AP1B1: variants seen among roughly 807,000 people sequenced by gnomAD.
AP1B1 encodes the protein AP-1 complex subunit beta-1.
AP1B1 carries 36 observed loss-of-function variants against 104.3 expected under a neutral mutation model. That is an observed-to-expected ratio of 0.35 (90% CI 0.26 to 0.46). The LOEUF is 0.46. Ranked by LOEUF, AP1B1 falls within the 20% of genes least tolerant of loss-of-function variation. The pLI, the probability that AP1B1 is intolerant of heterozygous loss-of-function variation, is 1.00. For missense variants in AP1B1, 901 were observed against 1,247.9 expected (o/e 0.72, Z 4.19); for synonymous variants, 504 against 517.5 (o/e 0.97, Z 0.35).
At chr22:29,359,574 A>G (rs540619665) in intron 4 of AP1B1, 30 of 417,934 alleles carry the variant, frequency 7.2e-5, no homozygotes, top group African/African-American at 4.5e-4. Flanking sequence ...GCAGGGTCCA[A>G]TCAGGGCAGT....
At chr22:29,332,200 T>TG (rs1364217208) in intron 17 of AP1B1, 1 of 327,838 alleles carries the variant, frequency 3.1e-6, no homozygotes, top group Middle Eastern at 8.4e-4. Context: ...GGCCAGGCAC[T>TG]GGTGGGCCCA....
intron 1 of AP1B1, among the ~76,000 whole-genome samples, chr22:29,380,883 C>A (rs576859844): frequency 6.6e-6 from 1 of 152,188 alleles, no homozygotes; most frequent in Non-Finnish European, 1.5e-5. Flanking sequence ...CTCTGTCTTA[C>A]TCATAGTAAA....
intron 17 of AP1B1, among the ~76,000 whole-genome samples, chr22:29,333,615 G>A (rs984050229): frequency 2.6e-5 from 4 of 152,148 alleles, no homozygotes; most frequent in Admixed American, 2.0e-4. Flanking sequence ...CCAGGAGGCT[G>A]AGGCAGGAGG....
At chr22:29,379,492 A>G (rs1820382368) in intron 1 of AP1B1, among the ~76,000 whole-genome samples, 1 of 152,204 alleles carries the variant, frequency 6.6e-6, no homozygotes. Context: ...CTTTCTGAAG[A>G]TCTGTCAAAT....
At chr22:29,351,409 C>A in intron 8 of AP1B1, 143 bp from the exon 9 acceptor site, 1 of 1,022,316 alleles carries the variant, frequency 9.8e-7, no homozygotes, top group Non-Finnish European at 1.5e-6. Flanking sequence ...AGGGAGAGAG[C>A]TGGCAGGTGC....
At chr22:29,360,928 C>T (rs1291215896) in intron 3 of AP1B1, among the ~76,000 whole-genome samples, 2 of 152,166 alleles carry the variant, frequency 1.3e-5, no homozygotes, top group Non-Finnish European at 2.9e-5. Context: ...TCCTGATCCC[C>T]AACAGGCAGG....
chr22:29,378,304 C>A (rs781727904), intron 1 of AP1B1, among the ~76,000 whole-genome samples: 3 of 152,082 alleles, frequency 2.0e-5, no homozygotes, highest in Non-Finnish European at 4.4e-5. Context: ...CACCTGTAAT[C>A]CTAGCACTGT....
At chr22:29,363,894 C>T (rs540000890) in intron 2 of AP1B1, among the ~76,000 whole-genome samples, 22 of 150,860 alleles carry the variant, frequency 1.5e-4, no homozygotes, top group African/African-American at 5.1e-4. Context: ...GATCCTGTCT[C>T]CAAAAAAAAA....
intron 14 of AP1B1, among the ~76,000 whole-genome samples, chr22:29,340,068 T>G (rs1339208416): frequency 6.6e-6 from 1 of 152,110 alleles, no homozygotes; most frequent in African/African-American, 2.4e-5. Flanking sequence ...CGTGCGGACC[T>G]GAGCCGAGCA....
At chr22:29,338,722 C>T (rs962102418) in intron 16 of AP1B1, among the ~76,000 whole-genome samples, 1 of 152,192 alleles carries the variant, frequency 6.6e-6, no homozygotes, top group Non-Finnish European at 1.5e-5. Context: ...TCCCTTCCCT[C>T]CAGGCCTTAC....
At chr22:29,368,368 C>T (rs1323500524) in intron 1 of AP1B1, among the ~76,000 whole-genome samples, 3 of 151,980 alleles carry the variant, frequency 2.0e-5, no homozygotes, top group African/African-American at 7.3e-5. Flanking sequence ...AATCATTTAA[C>T]AAAAATTTAC....
At chr22:29,376,566 A>G (rs981840402) in intron 1 of AP1B1, among the ~76,000 whole-genome samples, 1 of 152,178 alleles carries the variant, frequency 6.6e-6, no homozygotes, top group African/African-American at 2.4e-5. Context: ...TGCCACTGTT[A>G]AACACTTCCC....
chr22:29,380,599 A>G (rs764622934), intron 1 of AP1B1, among the ~76,000 whole-genome samples: 17 of 152,022 alleles, frequency 1.1e-4, no homozygotes, highest in Non-Finnish European at 2.2e-4. Flanking sequence ...CAGGCTAAAA[A>G]CCTGAGTCAC....
chr22:29,384,334 T>C (rs2062487037), intron 1 of AP1B1, among the ~76,000 whole-genome samples: 1 of 152,182 alleles, frequency 6.6e-6, no homozygotes, highest in Admixed American at 6.5e-5. Flanking sequence ...TGGTACCAAC[T>C]GTAGTTTGAA....
chr22:29,341,352 T>A (rs1018377643), intron 13 of AP1B1, 149 bp downstream of exon 13: 76 of 1,010,370 alleles, frequency 7.5e-5, no homozygotes, highest in Non-Finnish European at 1.0e-4. Flanking sequence ...AGCAAATACC[T>A]TGTGTACAAT....
intron 3 of AP1B1, among the ~76,000 whole-genome samples, chr22:29,362,611 C>T (rs1370583477): frequency 3.9e-5 from 6 of 152,180 alleles, no homozygotes; most frequent in South Asian, 2.1e-4. Context: ...TCCCCAAGTG[C>T]TAGGATTACA....
At chr22:29,329,149 G>A in intron 22 of AP1B1, 1 of 1,316,668 alleles carries the variant, frequency 7.6e-7, no homozygotes, top group South Asian at 1.6e-5. Flanking sequence ...CTGGCGAGCA[G>A]TGTGAGTCAC....
At chr22:29,370,898 C>G (rs2062223987) in intron 1 of AP1B1, among the ~76,000 whole-genome samples, 2 of 152,140 alleles carry the variant, frequency 1.3e-5, no homozygotes. Flanking sequence ...CTGGCTGCAG[C>G]TTTTTTCCGC....
At chr22:29,360,797 G>A (rs1415613654) in intron 3 of AP1B1, among the ~76,000 whole-genome samples, 1 of 152,202 alleles carries the variant, frequency 6.6e-6, no homozygotes, top group Non-Finnish European at 1.5e-5. Flanking sequence ...GCCTTCTTAA[G>A]ATGTGAAATT....
Sources: gnomAD v4.1 joint callset for allele counts (sites outside exome capture counted in the v4.1 genomes callset) on GRCh38, gnomAD v4.1.1 for gene constraint, MANE v1.5 for transcripts, NCBI Gene and HGNC (gene_info 2026-07-23, HGNC 2026-07-21) for gene names.